Variants in JADE2 observed in about 807,000 individuals in gnomAD.
JADE2 encodes the protein E3 ubiquitin-protein ligase Jade-2.
Under a neutral mutation model 85.7 loss-of-function variants are expected in JADE2, and 13 were observed. The observed-to-expected ratio is 0.15, with a 90% confidence interval of 0.10 to 0.24. JADE2 has a LOEUF of 0.24. Ranked by LOEUF, JADE2 falls within the 10% of genes least tolerant of loss-of-function variation. JADE2 has a pLI of 1.00. For synonymous variants in JADE2, 440 were observed against 456.1 expected, an observed-to-expected ratio of 0.96 and a Z score of 0.45; for missense variants, 846 against 1,115.9, an observed-to-expected ratio of 0.76 and a Z score of 3.45.
chr5:134,530,028 A>G (rs961785166), intron 1 of JADE2, among the ~76,000 whole-genome samples: 60 of 152,254 alleles, frequency 3.9e-4, no homozygotes, highest in African/African-American at 1.4e-3. Flanking sequence ...AAGCAGGTCC[A>G]GGAAGCCGAC....
At chr5:134,544,556 TG>T in intron 3 of JADE2, 1 of 165,788 alleles carries the variant, frequency 6.0e-6, no homozygotes. Flanking sequence ...GGGCAGGAGG[TG>T]GGGAGTGTCG....
intron 3 of JADE2, among the ~76,000 whole-genome samples, chr5:134,539,206 C>A (rs539569732): frequency 6.6e-6 from 1 of 151,932 alleles, no homozygotes; most frequent in Admixed American, 6.5e-5. Flanking sequence ...GGACTACAGG[C>A]GCCCGCCACC....
Position 134,546,154 on chromosome 5 carries a change from T to TTTTG in JADE2, c.154-5870_154-5867dup, listed in dbSNP as rs35088130. Among the ~76,000 whole-genome samples the TTTTG allele has an allele frequency of 3.0e-3, 451 of 151,730 alleles. 2 individuals are homozygous for TTTTG. Among genetic ancestry groups the TTTTG allele is most frequent in the African/African-American group, 7.8e-3 (322 of 41,366 alleles). On this transcript the variant is annotated intron_variant, in intron 3 of 11. Coordinates refer to ENST00000681547, the MANE Select transcript of JADE2 (RefSeq NM_001388185.1). ...TACACAAGCATTTCGTTTTTTGTTTTTTTGTTTGTTTGTTTGTTTGTTTGT... is the reference window on the plus strand; with the variant it reads ...TACACAAGCATTTCGTTTTTTGTTTTTTTGTTTGTTTGTTTGTTTGTTTGTTTGT...
intron 9 of JADE2, among the ~76,000 whole-genome samples, chr5:134,571,060 GCTCTGCGGGGGAGT>G (rs1763971173): frequency 6.6e-6 from 1 of 152,240 alleles, no homozygotes; most frequent in Non-Finnish European, 1.5e-5. Context: ...CCTGCCGGAG[GCTCTGCGGGGGAGT>G]CTCTCCGTGC....
chr5:134,526,328 G>A (rs893111819), intron 1 of JADE2: 7 of 984,942 alleles, frequency 7.1e-6, no homozygotes, highest in Non-Finnish European at 8.4e-6. Context: ...GCGGCAAAGC[G>A]CCCCCGGGCC....
rs947522591 is a variant in JADE2, at chr5:134,579,267, C to T, written c.2455C>T (p.Arg819Trp). 5.0e-6 allele frequency: 8 copies of T among 1,613,212 alleles called. No individual in the cohort carries two copies. In the African/African-American group the frequency reaches 5.3e-5, roughly 11 times the overall value. The change falls in exon 12 of 12, where the codon CGG becomes TGG. Residue 819 changes from arginine (R) to tryptophan (W), a missense_variant. Transcript: ENST00000681547. The surrounding 1 kb of genome is among the most constrained non-coding windows in gnomAD (Gnocchi z 4.6). ...GGACGGTGGGGTGCAGCGGGGTCCC[C>T]GGGAGGCAGGGGCAGAGGAGGTGGT... ...AEDGGVQRGP[R>W]EAGAEEVVRM...
At chr5:134,567,106 G>A (rs971899613) in intron 9 of JADE2, among the ~76,000 whole-genome samples, 5 of 152,208 alleles carry the variant, frequency 3.3e-5, no homozygotes, top group African/African-American at 9.6e-5. Context: ...GGGTAAACGC[G>A]GCTCCGTGGG....
At chr5:134,548,317 C>T (rs183471987) in intron 3 of JADE2, among the ~76,000 whole-genome samples, 1 of 152,344 alleles carries the variant, frequency 6.6e-6, no homozygotes, top group African/African-American at 2.4e-5. Flanking sequence ...GGCCTGGGTT[C>T]ATTTGCCACT....
rs569948245 is a variant in JADE2, at chr5:134,582,389, G to C, written c.*3072G>C. 2.0e-5 allele frequency: 3 copies of C among 150,028 alleles called. No homozygotes were observed. Among genetic ancestry groups the C allele is most frequent in the Non-Finnish European group, 4.4e-5 (3 of 67,726 alleles). The allele number at this position is 150,028 out of a possible 1,614,324, so 9.3% of individuals were successfully genotyped here. On this transcript the variant is annotated 3_prime_UTR_variant, in exon 12 of 12. Transcript: ENST00000681547. ...TGGGGGGTGTGCCAGGCCACGTCTCGTGTGTCCGTATGCAGGCATGCCTGT... is the reference window on the plus strand; with the variant it reads ...TGGGGGGTGTGCCAGGCCACGTCTCCTGTGTCCGTATGCAGGCATGCCTGT...
upstream of JADE2, among the ~76,000 whole-genome samples, chr5:134,524,719 C>A (rs1263711704): frequency 6.6e-6 from 1 of 152,168 alleles, no homozygotes; most frequent in Non-Finnish European, 1.5e-5. Context: ...GGGGAGGGGG[C>A]GACGAGCCCA....
At chr5:134,535,941 A>G in intron 2 of JADE2, 26 bp downstream of exon 2, 1 of 1,604,118 alleles carries the variant, frequency 6.2e-7, no homozygotes, top group South Asian at 1.1e-5. Flanking sequence ...TTGGGCTCCT[A>G]CAGGGAAAGC....
upstream of JADE2, among the ~76,000 whole-genome samples, chr5:134,525,013 G>A (rs750300118): frequency 5.3e-5 from 8 of 152,248 alleles, no homozygotes; most frequent in African/African-American, 1.9e-4. Context: ...GCCCCGGGGG[G>A]CGGGGTGCTC....
At chr5:134,545,180 C>A (rs992189600) in intron 3 of JADE2, among the ~76,000 whole-genome samples, 1 of 152,172 alleles carries the variant, frequency 6.6e-6, no homozygotes, top group Non-Finnish European at 1.5e-5. Flanking sequence ...CGGGTTGGGG[C>A]GAGCCCTTCC....
At chr5:134,576,030 G>C (rs1764345582) in intron 10 of JADE2, among the ~76,000 whole-genome samples, 1 of 152,194 alleles carries the variant, frequency 6.6e-6, no homozygotes, top group South Asian at 2.1e-4. Flanking sequence ...GCAAGACCCT[G>C]TCTCTACAAA....
At chr5:134,554,882 C>G (rs761362664) in intron 4 of JADE2, among the ~76,000 whole-genome samples, 21 of 152,214 alleles carry the variant, frequency 1.4e-4, no homozygotes, top group Non-Finnish European at 1.5e-4. Flanking sequence ...CTATGCTGAG[C>G]CTGTGTTCAT....
At chr5:134,527,933 C>T (rs1760972964) in intron 1 of JADE2, among the ~76,000 whole-genome samples, 2 of 152,332 alleles carry the variant, frequency 1.3e-5, no homozygotes, top group African/African-American at 4.8e-5. Flanking sequence ...TCTAGCACCC[C>T]TGGGTCATCT....
chr5:134,533,942 C>G (rs929507387), intron 1 of JADE2, among the ~76,000 whole-genome samples: 1 of 151,916 alleles, frequency 6.6e-6, no homozygotes, highest in African/African-American at 2.4e-5. Flanking sequence ...AGATGAGTCC[C>G]CCTACGTTCC....
upstream of JADE2, among the ~76,000 whole-genome samples, chr5:134,524,694 G>A (rs868544264): frequency 1.3e-5 from 2 of 152,230 alleles, no homozygotes; most frequent in Admixed American, 1.3e-4. Context: ...TAGGCGCCAG[G>A]AGGCACCCGG....
upstream of JADE2, among the ~76,000 whole-genome samples, chr5:134,525,143 A>AT (rs1196291309): frequency 2.0e-5 from 3 of 146,710 alleles, no homozygotes; most frequent in South Asian, 4.3e-4. Flanking sequence ...GCGCCAAAAG[A>AT]TTTTTTTAAG....
Sources: gnomAD v4.1 joint callset for allele counts (sites outside exome capture counted in the v4.1 genomes callset) on GRCh38, gnomAD v4.1.1 for gene constraint, Gnocchi (gnomAD v3.1) non-coding constraint, MANE v1.5 for transcripts, NCBI Gene and HGNC (gene_info 2026-07-23, HGNC 2026-07-21) for gene names.